The following GDF10 variants were observed in gnomAD, a reference collection of about 807,000 sequenced individuals.
The protein encoded by GDF10 is growth differentiation factor 10.
Under a neutral mutation model 32.1 loss-of-function variants are expected in GDF10, and 23 were observed. The ratio of observed to expected loss-of-function variants is 0.72; its 90% CI spans 0.52 to 1.02. The LOEUF is 1.02. Among genes scored for constraint, GDF10 ranks in the 50% least tolerant of loss-of-function variants. The probability of loss-of-function intolerance (pLI) is 0.00; values close to 1 mark genes in which losing one functional copy is unlikely to be tolerated. For synonymous variants in GDF10, 328 were observed against 303.1 expected, an observed-to-expected ratio of 1.08 and a Z score of -0.85; for missense variants, 764 against 673.9, an observed-to-expected ratio of 1.13 and a Z score of -1.48.
Position 47,307,393 on chromosome 10 carries a change from G to C in GDF10, c.320-2403G>C, listed in dbSNP as rs181466853. Among the ~76,000 whole-genome samples, 6 of 152,324 alleles carry C rather than the reference G, an allele frequency of 3.9e-5. No homozygotes were observed. In the East Asian group the frequency reaches 9.6e-4, roughly 24 times the overall value. On this transcript the variant is annotated intron_variant, in intron 1 of 2. Transcript: ENST00000580279. ...AGCACGCATCAGAGGAAATAATGACGTTCTCTTCAATGCTTCTCTCTTATG... is the reference window on the plus strand; with the variant it reads ...AGCACGCATCAGAGGAAATAATGACCTTCTCTTCAATGCTTCTCTCTTATG...
intron 1 of GDF10, among the ~76,000 whole-genome samples, chr10:47,303,871 A>G (rs1176120338): frequency 6.6e-6 from 1 of 152,242 alleles, no homozygotes; most frequent in Non-Finnish European, 1.5e-5. Context: ...TTCCCCAAGT[A>G]TTCCCTAAGC....
At position 47,300,701 on chromosome 10, in the gene GDF10, TGC is replaced by T; in HGVS notation, c.51_52del (p.Leu18AlafsTer66). On this transcript the variant is annotated frameshift_variant, in exon 1 of 3. Coordinates refer to ENST00000580279, the MANE Select transcript of GDF10 (RefSeq NM_004962.5). LOFTEE classifies it high-confidence loss of function. ...AGCCCGGGACCCGGGCCCCAGCTGC[TGC>T]TGCTGCTGCTGCCGTTGTTTCTGCT... The T allele has an allele frequency of 6.3e-7, 1 of 1,595,514 alleles. No homozygotes were observed. Among genetic ancestry groups the T allele is most frequent in the Non-Finnish European group, 8.5e-7 (1 of 1,173,030 alleles).
chr10:47,312,034 C>A (rs1555207819), intron 2 of GDF10, among the ~76,000 whole-genome samples: 1 of 151,816 alleles, frequency 6.6e-6, no homozygotes, highest in Admixed American at 6.6e-5. Context: ...CAGTAAAGTC[C>A]AGGTAATACC....
At chr10:47,302,866 C>T (rs907903808) in intron 1 of GDF10, among the ~76,000 whole-genome samples, 7 of 152,234 alleles carry the variant, frequency 4.6e-5, no homozygotes, top group Admixed American at 4.6e-4. Flanking sequence ...AATCCCTCTT[C>T]TTTGGAAGCC....
intron 1 of GDF10, among the ~76,000 whole-genome samples, chr10:47,308,594 C>T (rs2061031382): frequency 6.6e-6 from 1 of 152,052 alleles, no homozygotes; most frequent in African/African-American, 2.4e-5. Flanking sequence ...GTACAGGGGT[C>T]AGAGAGGTGT....
At chr10:47,304,598 C>A (rs1555207067) in intron 1 of GDF10, among the ~76,000 whole-genome samples, 1 of 151,980 alleles carries the variant, frequency 6.6e-6, no homozygotes, top group Admixed American at 6.6e-5. Flanking sequence ...CCAGCCATAT[C>A]TATCTATCTA....
intron 1 of GDF10, among the ~76,000 whole-genome samples, chr10:47,308,547 T>C (rs782517752): frequency 6.6e-6 from 1 of 151,438 alleles, no homozygotes; most frequent in African/African-American, 2.5e-5. Context: ...AAGTGGAATA[T>C]TTCTGTTAAA....
intron 1 of GDF10, among the ~76,000 whole-genome samples, chr10:47,309,190 C>A (rs573018424): frequency 6.6e-6 from 1 of 152,352 alleles, no homozygotes; most frequent in East Asian, 1.9e-4. Context: ...AGAGCAGATG[C>A]CTAAATGGCT....
At chr10:47,307,281 T>C (rs1555207240) in intron 1 of GDF10, among the ~76,000 whole-genome samples, 1 of 150,272 alleles carries the variant, frequency 6.7e-6, no homozygotes, top group African/African-American at 2.5e-5. Context: ...AGAGGGTGGA[T>C]AGAAAAGGGG....
Position 47,309,959 on chromosome 10 carries a change from G to A in GDF10, c.483G>A (p.Pro161=). The A allele has an allele frequency of 4.3e-6, 7 of 1,611,956 alleles. No individual in the cohort carries two copies. Among genetic ancestry groups the A allele is most frequent in the Admixed American group, 1.7e-5 (1 of 59,950 alleles). Residue 161 remains proline, a synonymous_variant, in exon 2 of 3, where the codon CCG becomes CCA. Transcript: ENST00000580279. ...KPRAKNASGR[P]LPLGPPTRQH... ...GGGCCAAGAACGCTTCAGGCCGCCCGCTGCCCCTGGGCCCGCCCACACGCC... is the reference window on the plus strand; with the variant it reads ...GGGCCAAGAACGCTTCAGGCCGCCCACTGCCCCTGGGCCCGCCCACACGCC...
Position 47,312,991 on chromosome 10 carries a change from A to C in GDF10, c.*199A>C. ...GACTAGCCCCTTAAATGCCAGCCTG[A>C]GTACCTGAAGGAATCTGGGAATTAG... On this transcript the variant is annotated 3_prime_UTR_variant, in exon 3 of 3. Coordinates refer to ENST00000580279, the MANE Select transcript of GDF10 (RefSeq NM_004962.5). 2.3e-6 allele frequency: 1 copy of C among 426,142 alleles called. No homozygotes were observed. The highest frequency in any genetic ancestry group is 4.1e-6 in the Non-Finnish European group (1 of 241,914). The allele number at this position is 426,142 out of a possible 1,614,324, so 26.4% of individuals were successfully genotyped here.
chr10:47,308,931 G>A (rs781879996), intron 1 of GDF10, among the ~76,000 whole-genome samples: 1 of 152,176 alleles, frequency 6.6e-6, no homozygotes. Context: ...CAGCTTCCTG[G>A]GACTGCTGAC....
intron 2 of GDF10, among the ~76,000 whole-genome samples, chr10:47,311,535 G>C (rs116285224): frequency 0.014 from 2,138 of 152,368 alleles, 47 homozygotes; most frequent in African/African-American, 0.049. Context: ...GCCAGCTGGG[G>C]AAGTCCAGAC....
Position 47,310,640 on chromosome 10 carries a change from C to T in GDF10, c.1164C>T (p.Ile388=), listed in dbSNP as rs782733030. The T allele has an allele frequency of 4.3e-6, 7 of 1,613,914 alleles. No individual in the cohort carries two copies. The African/African-American group carries it at 8.0e-5, about 18-fold the overall frequency. Residue 388 remains isoleucine, a synonymous_variant, in exon 2 of 3, where the codon ATC becomes ATT. Coordinates refer to ENST00000580279, the MANE Select transcript of GDF10 (RefSeq NM_004962.5). Reference sequence around the variant, plus strand: ...ACCTGAAGGTGGACTTCGCAGACATCGGCTGGAATGAATGGATAATCTCAC... The same window carrying T: ...ACCTGAAGGTGGACTTCGCAGACATTGGCTGGAATGAATGGATAATCTCAC... ...RRYLKVDFAD[I]GWNEWIISPK...
intron 1 of GDF10, among the ~76,000 whole-genome samples, chr10:47,309,485 T>C (rs1555207368): frequency 6.6e-6 from 1 of 152,192 alleles, no homozygotes; most frequent in Non-Finnish European, 1.5e-5. Context: ...AACAGGAGCT[T>C]TGGAGTCCAG....
rs1662709369 is a variant in GDF10, at chr10:47,310,308, G to A, written c.832G>A (p.Ala278Thr). 3.7e-6 allele frequency: 6 copies of A among 1,607,944 alleles called. No individual in the cohort carries two copies. Among genetic ancestry groups the A allele is most frequent in the East Asian group, 2.2e-5 (1 of 44,672 alleles). Residue 278 changes from alanine to threonine, a missense_variant, in exon 2 of 3, where the codon GCA becomes ACA. Ala to Thr is a moderately conservative substitution (Grantham distance 58). Coordinates refer to ENST00000580279, the MANE Select transcript of GDF10 (RefSeq NM_004962.5). ...CCCTGCCGGAGACCCCGAGCCCCGC[G>A]CAGCCCCCAACAACTCAGCGGACCC... ...PFPAGDPEPR[A>T]APNNSADPRV...
chr10:47,309,787 C>A lies in GDF10; in HGVS notation c.320-9C>A. ...ACTTCACAGCCTGTGGTCTCTCCTTCCCTCACAGAAGTGGTCGACCAGAAG... is the reference window on the plus strand; with the variant it reads ...ACTTCACAGCCTGTGGTCTCTCCTTACCTCACAGAAGTGGTCGACCAGAAG... On this transcript the variant is annotated splice_polypyrimidine_tract_variant and intron_variant, in intron 1 of 2. Transcript: ENST00000580279. 5.0e-6 allele frequency: 8 copies of A among 1,588,280 alleles called. No homozygotes were observed. The highest frequency in any genetic ancestry group is 6.9e-6 in the Non-Finnish European group (8 of 1,159,750).
chr10:47,312,409 G>A (rs1362460724), intron 2 of GDF10, among the ~76,000 whole-genome samples, 192 bp from the exon 3 acceptor site: 1 of 152,220 alleles, frequency 6.6e-6, no homozygotes, highest in Admixed American at 6.5e-5. Flanking sequence ...GGAACTCAGC[G>A]TATGTCTGAT....
Position 47,310,680 on chromosome 10 carries a change from G to A in GDF10, c.1204G>A (p.Ala402Thr). ...GATAATCTCACCGAAATCTTTTGAT[G>A]CCTACTACTGCGCGGGAGCATGTGA... ...EWIISPKSFD[A>T]YYCAGACEFP... The change falls in exon 2 of 3, where the codon GCC becomes ACC. Residue 402 changes from alanine (A) to threonine (T), a missense_variant. Physicochemically the swap from Ala to Thr is moderately conservative, Grantham distance 58 (BLOSUM62 0). Transcript: ENST00000580279. The A allele has an allele frequency of 2.5e-6, 4 of 1,613,972 alleles. No homozygotes were observed. The highest frequency in any genetic ancestry group is 3.4e-6 in the Non-Finnish European group (4 of 1,179,844).
Sources: allele counts gnomAD v4.1 joint callset (sites outside exome capture counted in the v4.1 genomes callset), GRCh38; gene constraint gnomAD v4.1.1; transcripts MANE v1.5; gene names NCBI Gene and HGNC (gene_info 2026-07-23, HGNC 2026-07-21).